KIAA1217: variants seen among roughly 807,000 people sequenced by gnomAD.
The protein encoded by KIAA1217 is sickle tail protein homolog.
A neutral mutation model predicts 163.9 loss-of-function variants in KIAA1217; 88 were observed. That is an observed-to-expected ratio of 0.54 (90% CI 0.45 to 0.64). The LOEUF (loss-of-function observed/expected upper bound fraction) is 0.64. Ranked by LOEUF, KIAA1217 falls within the 30% of genes least tolerant of loss-of-function variation. The pLI is 0.00. For synonymous variants in KIAA1217, 903 were observed against 923.1 expected (o/e 0.98, Z 0.39); for missense variants, 2,372 against 2,475.0 (o/e 0.96, Z 0.88).
chr10:24,089,360 A>G (rs2061836412), intron 2 of KIAA1217, among the ~76,000 whole-genome samples: 1 of 125,030 alleles, frequency 8.0e-6, no homozygotes, highest in African/African-American at 2.5e-5. Context: ...TTAGTCATGA[A>G]GTCTTTGCCC....
At chr10:23,819,658 A>G (rs377337916) in intron 1 of KIAA1217, among the ~76,000 whole-genome samples, 19 of 152,352 alleles carry the variant, frequency 1.2e-4, no homozygotes, top group Non-Finnish European at 2.5e-4. Flanking sequence ...AGTTTTGCCC[A>G]TAGACACAAA....
chr10:24,443,046 G>C (rs143810656), intron 5 of KIAA1217, among the ~76,000 whole-genome samples: 1 of 151,804 alleles, frequency 6.6e-6, no homozygotes, highest in East Asian at 1.9e-4. Flanking sequence ...GAGTAGCTGG[G>C]ATTACAGGCA....
chr10:23,995,021 T>G (rs1384970320), intron 1 of KIAA1217, among the ~76,000 whole-genome samples: 1 of 152,230 alleles, frequency 6.6e-6, no homozygotes, highest in Non-Finnish European at 1.5e-5. Flanking sequence ...TTTCCGTGTC[T>G]TTTAAAGTGT....
At position 24,409,016 on chromosome 10, in the gene KIAA1217, T is replaced by C. The variant is rs575209427; in HGVS notation, c.554-23979T>C. Among the ~76,000 whole-genome samples, 3 of 152,346 alleles carry C rather than the reference T, an allele frequency of 2.0e-5. No homozygotes were observed. In the South Asian group the frequency reaches 6.2e-4, roughly 32 times the overall value. ...ATAGTAGATGCTCAATAAATATGTG[T>C]TGCATTAGTTAATGAACTGGCGTGG... On this transcript the variant is annotated intron_variant, in intron 3 of 20. Coordinates refer to ENST00000376454, the MANE Select transcript of KIAA1217 (RefSeq NM_019590.5).
At chr10:24,117,727 G>T (rs992777789) in intron 2 of KIAA1217, among the ~76,000 whole-genome samples, 1 of 152,100 alleles carries the variant, frequency 6.6e-6, no homozygotes. Context: ...CTGTGGTCAG[G>T]GCTCTGCAGT....
intron 1 of KIAA1217, among the ~76,000 whole-genome samples, chr10:23,759,011 G>T (rs1297547213): frequency 6.6e-6 from 1 of 152,076 alleles, no homozygotes; most frequent in East Asian, 1.9e-4. Context: ...AGATTGCTTT[G>T]GGTAGTATTG....
intron 1 of KIAA1217, among the ~76,000 whole-genome samples, chr10:23,859,629 T>G (rs1025305516): frequency 2.0e-4 from 30 of 152,342 alleles, no homozygotes; most frequent in Non-Finnish European, 1.2e-4. Context: ...TTCTTCAATA[T>G]TTCACATTTA....
intron 2 of KIAA1217, among the ~76,000 whole-genome samples, chr10:24,276,600 A>C (rs2077312692): frequency 6.9e-6 from 1 of 144,154 alleles, no homozygotes; most frequent in South Asian, 2.2e-4. Flanking sequence ...ACATGCCATC[A>C]AGTCCAGCTT....
At chr10:24,049,094 G>A (rs979254469) in intron 2 of KIAA1217, among the ~76,000 whole-genome samples, 3 of 147,404 alleles carry the variant, frequency 2.0e-5, no homozygotes, top group Non-Finnish European at 3.0e-5. Context: ...ATAAATATAA[G>A]TAATTCTTCT....
At chr10:23,972,039 T>G (rs544273694) in intron 1 of KIAA1217, among the ~76,000 whole-genome samples, 9 of 152,342 alleles carry the variant, frequency 5.9e-5, no homozygotes, top group African/African-American at 2.2e-4. Context: ...TAACATTTAT[T>G]GATTGATGTC....
chr10:24,307,125 T>C (rs763683355), intron 2 of KIAA1217, among the ~76,000 whole-genome samples: 23 of 152,246 alleles, frequency 1.5e-4, no homozygotes, highest in Non-Finnish European at 3.1e-4. Flanking sequence ...AGGTCCTGTA[T>C]TCTGAAAATA....
intron 2 of KIAA1217, among the ~76,000 whole-genome samples, chr10:24,046,248 G>A (rs938440473): frequency 3.9e-5 from 6 of 152,138 alleles, no homozygotes; most frequent in South Asian, 2.1e-4. Flanking sequence ...TGACGATGAC[G>A]ATGATACCTA....
intron 5 of KIAA1217, among the ~76,000 whole-genome samples, chr10:24,462,799 T>C (rs2062550844): frequency 6.6e-6 from 1 of 152,192 alleles, no homozygotes; most frequent in Non-Finnish European, 1.5e-5. Flanking sequence ...TAAAGCAGTA[T>C]ATCCTATATG....
At chr10:24,485,856 G>T (rs753194629) in intron 6 of KIAA1217, among the ~76,000 whole-genome samples, 7 of 152,176 alleles carry the variant, frequency 4.6e-5, no homozygotes, top group Non-Finnish European at 1.0e-4. Flanking sequence ...AGTGACTTCT[G>T]AGTGGAGATT....
chr10:23,838,995 G>A (rs1477223619), intron 1 of KIAA1217, among the ~76,000 whole-genome samples: 2 of 151,470 alleles, frequency 1.3e-5, no homozygotes, highest in Non-Finnish European at 2.9e-5. Context: ...TTATTTCTGT[G>A]TTCAGCTCCA....
chr10:24,450,055 G>A (rs1373979357), intron 5 of KIAA1217, among the ~76,000 whole-genome samples: 1 of 152,156 alleles, frequency 6.6e-6, no homozygotes, highest in Non-Finnish European at 1.5e-5. Flanking sequence ...GGGATTTAAA[G>A]TGCCAACACA....
At position 23,790,343 on chromosome 10, in the gene KIAA1217, A is replaced by G. The variant is rs538783975; in HGVS notation, c.-321+95109A>G. ...TGCACATATGCATATATGCATATAT[A>G]CATATGCATATATGCATATATACAT... On this transcript the variant is annotated intron_variant, in intron 1 of 18. Coordinates refer to the KIAA1217 transcript ENST00000376462. 7.9e-5 allele frequency among the ~76,000 whole-genome samples: 9 copies of G among 114,250 alleles called. 2 individuals carry two copies. The highest frequency in any genetic ancestry group is 5.2e-4 in the Admixed American group (6 of 11,442). 75.0% of individuals were successfully genotyped at this position (114,250 alleles called of 152,430 possible).
chr10:24,047,738 A>C (rs1240086883), intron 2 of KIAA1217, among the ~76,000 whole-genome samples: 1 of 152,164 alleles, frequency 6.6e-6, no homozygotes, highest in Non-Finnish European at 1.5e-5. Context: ...CCTGGAGCTC[A>C]ACATTGTCCA....
In KIAA1217 at chr10:24,546,217, G is replaced by A. The variant is rs1189845335; in HGVS notation, c.5725G>A (p.Gly1909Ser). Residue 1909 changes from glycine to serine, a missense_variant, in exon 21 of 21, where the codon GGT becomes AGT. Physicochemically the swap from Gly to Ser is moderately conservative, Grantham distance 56 (BLOSUM62 0). Transcript: ENST00000376454. Reference protein sequence around the residue: ...SPASSVSLNQGAKGTRTIHTP... With the variant: ...SPASSVSLNQSAKGTRTIHTP... ...TGCCTCCTCCGTCTCACTGAATCAA[G>A]GTGCCAAGGGCACCAGGACCATCCA... 14 of 1,614,102 alleles carry A rather than the reference G, an allele frequency of 8.7e-6. No individual in the cohort carries two copies. The highest frequency in any genetic ancestry group is 1.1e-5 in the Non-Finnish European group (13 of 1,180,040).
Sources: allele counts gnomAD v4.1 joint callset (sites outside exome capture counted in the v4.1 genomes callset), GRCh38; gene constraint gnomAD v4.1.1; transcripts MANE v1.5; gene names NCBI Gene and HGNC (gene_info 2026-07-23, HGNC 2026-07-21).